EXOC4: variants seen among roughly 807,000 people sequenced by gnomAD.
The protein encoded by EXOC4 is exocyst complex component 4.
Under a neutral mutation model 107.2 loss-of-function variants are expected in EXOC4, and 71 were observed. The ratio of observed to expected loss-of-function variants is 0.66; its 90% CI spans 0.55 to 0.81. The LOEUF is 0.81. EXOC4 is among the 30% of genes least tolerant of loss of function. The pLI is 0.00. For missense variants in EXOC4, 1,108 were observed against 1,189.6 expected (o/e 0.93, Z 1.01); for synonymous variants, 456 against 441.2 (o/e 1.03, Z -0.42).
At chr7:133,633,771 G>C (rs1802644081) in intron 10 of EXOC4, among the ~76,000 whole-genome samples, 1 of 152,130 alleles carries the variant, frequency 6.6e-6, no homozygotes. Flanking sequence ...TTTATCAAAA[G>C]TCAGGACCTA....
intron 14 of EXOC4, among the ~76,000 whole-genome samples, chr7:133,969,272 A>G (rs1801144805): frequency 6.6e-6 from 1 of 152,144 alleles, no homozygotes; most frequent in African/African-American, 2.4e-5. Flanking sequence ...GCTTCCTTGC[A>G]TTGGGTTAGA....
the EXOC4 span, among the ~76,000 whole-genome samples, chr7:134,090,110 G>T: frequency 6.6e-6 from 1 of 152,152 alleles, no homozygotes; most frequent in Admixed American, 6.5e-5. Context: ...CAACGTATTT[G>T]ATTTAAGCAC....
chr7:133,808,319 C>G (rs1474903160), intron 10 of EXOC4, among the ~76,000 whole-genome samples: 3 of 152,150 alleles, frequency 2.0e-5, no homozygotes, highest in African/African-American at 4.8e-5. Context: ...GTGCATTAAC[C>G]TTTATGGATT....
intron 11 of EXOC4, among the ~76,000 whole-genome samples, chr7:133,842,561 C>A (rs1159544264): frequency 1.3e-5 from 2 of 152,140 alleles, no homozygotes; most frequent in Non-Finnish European, 2.9e-5. Flanking sequence ...TTGTTGAATG[C>A]ATAGTTTGAA....
At chr7:133,769,033 G>C (rs1796193071) in intron 10 of EXOC4, among the ~76,000 whole-genome samples, 1 of 151,950 alleles carries the variant, frequency 6.6e-6, no homozygotes, top group South Asian at 2.1e-4. Context: ...ACGCTTGGAT[G>C]TCTGATACTT....
intron 14 of EXOC4, among the ~76,000 whole-genome samples, chr7:133,989,858 C>G (rs1053878930): frequency 6.6e-6 from 1 of 151,904 alleles, no homozygotes; most frequent in African/African-American, 2.4e-5. Flanking sequence ...GAGAACAGCG[C>G]GAATTTGGAA....
At chr7:133,623,318 T>TATA (rs924431162) in intron 9 of EXOC4, among the ~76,000 whole-genome samples, 1 of 152,202 alleles carries the variant, frequency 6.6e-6, no homozygotes, top group Non-Finnish European at 1.5e-5. Flanking sequence ...AATAATACTG[T>TATA]AATCAATATA....
intron 13 of EXOC4, among the ~76,000 whole-genome samples, chr7:133,926,503 C>T (rs10263851): frequency 0.62 from 94,551 of 152,052 alleles, 31,940 homozygotes; most frequent in African/African-American, 0.9. Flanking sequence ...TATATTGTTA[C>T]AGGTTCTCTC....
chr7:133,348,999 T>A (rs1795848082), intron 5 of EXOC4, among the ~76,000 whole-genome samples: 1 of 152,162 alleles, frequency 6.6e-6, no homozygotes, highest in Non-Finnish European at 1.5e-5. Context: ...TACTCATGGA[T>A]TTCAGGGATC....
intron 9 of EXOC4, among the ~76,000 whole-genome samples, chr7:133,507,409 C>T (rs1204808168): frequency 6.6e-6 from 1 of 152,146 alleles, no homozygotes; most frequent in Non-Finnish European, 1.5e-5. Flanking sequence ...TAGTATCCTT[C>T]TGGATAATTT....
chr7:133,458,360 C>A (rs1441045668), intron 7 of EXOC4, among the ~76,000 whole-genome samples: 1 of 152,198 alleles, frequency 6.6e-6, no homozygotes, highest in Non-Finnish European at 1.5e-5. Flanking sequence ...ACTGTGATGA[C>A]ACTATAATTG....
chr7:133,546,872 TTTC>T (rs1800492337), intron 9 of EXOC4, among the ~76,000 whole-genome samples: 1 of 152,202 alleles, frequency 6.6e-6, no homozygotes, highest in Admixed American at 6.5e-5. Context: ...CTGTTTTTAT[TTTC>T]TTCCCTATCT....
chr7:133,918,905 C>A (rs1218668751), intron 13 of EXOC4, among the ~76,000 whole-genome samples: 1 of 152,064 alleles, frequency 6.6e-6, no homozygotes, highest in Non-Finnish European at 1.5e-5. Context: ...GAATAAGGGC[C>A]CATGTTTTCA....
chr7:133,542,153 G>A (rs567882795), intron 9 of EXOC4, among the ~76,000 whole-genome samples: 15 of 143,098 alleles, frequency 1.0e-4, no homozygotes, highest in Non-Finnish European at 2.0e-4. Flanking sequence ...TGGAGAAAAG[G>A]CAGACAAATT....
intron 9 of EXOC4, among the ~76,000 whole-genome samples, chr7:133,548,458 C>T (rs1800523919): frequency 6.6e-6 from 1 of 152,186 alleles, no homozygotes; most frequent in Admixed American, 6.5e-5. Flanking sequence ...TTCTCTCTAG[C>T]TCTGAAAAGT....
chr7:133,286,426 C>T (rs1042316607), intron 2 of EXOC4, among the ~76,000 whole-genome samples: 1 of 152,142 alleles, frequency 6.6e-6, no homozygotes, highest in Non-Finnish European at 1.5e-5. Flanking sequence ...TTCTGTTCCC[C>T]CGTGTCCTGC....
chr7:133,370,921 CG>C (rs1563039614), intron 6 of EXOC4, among the ~76,000 whole-genome samples: 1 of 152,044 alleles, frequency 6.6e-6, no homozygotes, highest in Non-Finnish European at 1.5e-5. Flanking sequence ...ACTTTGCAGA[CG>C]GGGACACTTG....
intron 9 of EXOC4, among the ~76,000 whole-genome samples, chr7:133,515,035 G>A (rs569313065): frequency 6.6e-6 from 1 of 152,138 alleles, no homozygotes; most frequent in African/African-American, 2.4e-5. Context: ...ATATATTAAT[G>A]TCAAAATAAC....
intron 9 of EXOC4, among the ~76,000 whole-genome samples, chr7:133,499,538 T>G (rs1799538681): frequency 6.6e-6 from 1 of 152,148 alleles, no homozygotes; most frequent in Non-Finnish European, 1.5e-5. Flanking sequence ...GAGATGGAAT[T>G]ATTTAGGGTA....
Sources: gnomAD v4.1 joint callset for allele counts (sites outside exome capture counted in the v4.1 genomes callset) on GRCh38, gnomAD v4.1.1 for gene constraint, MANE v1.5 for transcripts, NCBI Gene and HGNC (gene_info 2026-07-23, HGNC 2026-07-21) for gene names.